Variants in HSF2BP observed in about 807,000 individuals in gnomAD.
The protein encoded by HSF2BP is heat shock factor 2-binding protein.
HSF2BP carries 35 observed loss-of-function variants against 35.0 expected under a neutral mutation model. The ratio of observed to expected loss-of-function variants is 1.00; its 90% CI spans 0.76 to 1.32. The LOEUF is 1.32. Ranked by LOEUF, HSF2BP falls within the 40% of genes most tolerant of loss-of-function variation. The probability of loss-of-function intolerance (pLI) is 0.00; values close to 1 mark genes in which losing one functional copy is unlikely to be tolerated. For missense variants in HSF2BP, 326 were observed against 321.7 expected, an observed-to-expected ratio of 1.01 and a Z score of -0.10; for synonymous variants, 114 against 117.4, an observed-to-expected ratio of 0.97 and a Z score of 0.18.
chr21:43,574,488 G>A (rs2081615899), intron 8 of HSF2BP, among the ~76,000 whole-genome samples: 1 of 151,984 alleles, frequency 6.6e-6, no homozygotes, highest in Admixed American at 6.5e-5. Flanking sequence ...CTCCCAAGTA[G>A]CTGGGACTAC....
chr21:43,653,582 G>C (rs1186199948), intron 3 of HSF2BP, among the ~76,000 whole-genome samples: 1 of 152,236 alleles, frequency 6.6e-6, no homozygotes, highest in Non-Finnish European at 1.5e-5. Context: ...TTAAGCCGTA[G>C]TATGGTTTTG....
chr21:43,582,278 A>G (rs916641403), intron 8 of HSF2BP, among the ~76,000 whole-genome samples: 481 of 18,784 alleles, frequency 0.026, 1 homozygote, highest in African/African-American at 0.031. Flanking sequence ...AGGGGGATGA[A>G]GGCCTGCTGA....
intron 7 of HSF2BP, among the ~76,000 whole-genome samples, chr21:43,600,986 C>T (rs2082045002): frequency 6.6e-6 from 1 of 152,194 alleles, no homozygotes; most frequent in South Asian, 2.1e-4. Context: ...TAGCTCCAAC[C>T]TATTTCCACT....
At chr21:43,643,218 C>G (rs1207720364) in intron 4 of HSF2BP, among the ~76,000 whole-genome samples, 1 of 151,914 alleles carries the variant, frequency 6.6e-6, no homozygotes, top group Non-Finnish European at 1.5e-5. Context: ...ATTACATGTA[C>G]TTCTGATTTA....
At chr21:43,618,341 C>T (rs2082293990) in intron 6 of HSF2BP, among the ~76,000 whole-genome samples, 1 of 151,880 alleles carries the variant, frequency 6.6e-6, no homozygotes, top group South Asian at 2.1e-4. Flanking sequence ...GATACTTTTG[C>T]TTTAGACTGT....
chr21:43,587,525 C>A (rs988922114), intron 8 of HSF2BP, among the ~76,000 whole-genome samples: 19 of 151,858 alleles, frequency 1.3e-4, no homozygotes, highest in African/African-American at 4.4e-4. Flanking sequence ...ATTAGCCGGG[C>A]GTGGTGGTAC....
chr21:43,617,034 C>A (rs546003332), intron 6 of HSF2BP, among the ~76,000 whole-genome samples: 1 of 152,146 alleles, frequency 6.6e-6, no homozygotes, highest in Non-Finnish European at 1.5e-5. Flanking sequence ...CACTAGCCCC[C>A]AGCTGTTCCA....
chr21:43,641,915 C>CA (rs60587366), intron 4 of HSF2BP, among the ~76,000 whole-genome samples: 70,982 of 113,858 alleles, frequency 0.62, 20,601 homozygotes, highest in East Asian at 0.79. Flanking sequence ...GACTCTGTCT[C>CA]AAAAAAAAAA....
At chr21:43,596,459 G>A (rs2081988610) in intron 7 of HSF2BP, among the ~76,000 whole-genome samples, 1 of 152,070 alleles carries the variant, frequency 6.6e-6, no homozygotes, top group Admixed American at 6.5e-5. Flanking sequence ...CAATGGCAGA[G>A]TAACTTGCAT....
intron 5 of HSF2BP, among the ~76,000 whole-genome samples, chr21:43,630,983 A>T (rs2146999939): frequency 6.6e-6 from 1 of 152,318 alleles, no homozygotes; most frequent in Non-Finnish European, 1.5e-5. Flanking sequence ...ACCAATGTAC[A>T]TTTTAACCCA....
the HSF2BP span, among the ~76,000 whole-genome samples, chr21:43,458,217 G>A: frequency 3.7e-4 from 18 of 48,878 alleles, 2 homozygotes; most frequent in African/African-American, 1.2e-3. Flanking sequence ...AAAGCTGCCC[G>A]GGACCTTGTT....
chr21:43,616,078 A>G (rs1329389193), intron 6 of HSF2BP, among the ~76,000 whole-genome samples: 1 of 151,726 alleles, frequency 6.6e-6, no homozygotes, highest in African/African-American at 2.4e-5. Context: ...TATCATAGCA[A>G]GCAACATAGA....
At chr21:43,581,816 G>A (rs997131514) in intron 8 of HSF2BP, among the ~76,000 whole-genome samples, 2 of 79,992 alleles carry the variant, frequency 2.5e-5, no homozygotes, top group African/African-American at 8.3e-5. Context: ...AGAAGGGTCT[G>A]TGCTGCGGGA....
chr21:43,586,078 T>C (rs566203813), intron 8 of HSF2BP, among the ~76,000 whole-genome samples: 2 of 152,306 alleles, frequency 1.3e-5, no homozygotes, highest in South Asian at 2.1e-4. Flanking sequence ...CCTTTTAGCA[T>C]TGAAAACATG....
chr21:43,620,654 C>A (rs2082320805), intron 6 of HSF2BP, among the ~76,000 whole-genome samples: 1 of 152,106 alleles, frequency 6.6e-6, no homozygotes, highest in Admixed American at 6.5e-5. Context: ...AGAATTGTAC[C>A]ACCAGACTCC....
chr21:43,652,360 AC>A (rs1415881174), intron 3 of HSF2BP, among the ~76,000 whole-genome samples: 1 of 146,326 alleles, frequency 6.8e-6, no homozygotes, highest in East Asian at 2.1e-4. Context: ...CTGAGATCAC[AC>A]CACTGCACTC....
At chr21:43,638,452 CA>C (rs2082593924) in intron 4 of HSF2BP, among the ~76,000 whole-genome samples, 2 of 152,070 alleles carry the variant, frequency 1.3e-5, no homozygotes, top group African/African-American at 4.8e-5. Context: ...GATAAACAAA[CA>C]AAAAGCAACC....
At chr21:43,626,093 G>A (rs1261200881) in intron 6 of HSF2BP, among the ~76,000 whole-genome samples, 1 of 152,186 alleles carries the variant, frequency 6.6e-6, no homozygotes, top group Admixed American at 6.5e-5. Flanking sequence ...TACAACTGTA[G>A]GTGCCATGAT....
intron 7 of HSF2BP, among the ~76,000 whole-genome samples, chr21:43,596,299 A>G (rs1011245199): frequency 6.6e-6 from 1 of 152,124 alleles, no homozygotes; most frequent in Non-Finnish European, 1.5e-5. Context: ...GTACATCTCT[A>G]TAAGAATAAG....
Sources: gnomAD v4.1 joint callset for allele counts (sites outside exome capture counted in the v4.1 genomes callset) on GRCh38, gnomAD v4.1.1 for gene constraint, MANE v1.5 for transcripts, NCBI Gene and HGNC (gene_info 2026-07-23, HGNC 2026-07-21) for gene names.